HS3ST4: variants seen among roughly 807,000 people sequenced by gnomAD.
The protein encoded by HS3ST4 is heparan sulfate-glucosamine 3-sulfotransferase 4.
HS3ST4 carries 17 observed loss-of-function variants against 29.2 expected under a neutral mutation model. The observed-to-expected ratio is 0.58, with a 90% CI of 0.40 to 0.87. The LOEUF (loss-of-function observed/expected upper bound fraction) is 0.87. Among genes scored for constraint, HS3ST4 ranks in the 40% least tolerant of loss-of-function variants. The pLI is 0.00. For missense variants in HS3ST4, 627 were observed against 634.5 expected (o/e 0.99, Z 0.13); for synonymous variants, 314 against 285.7 (o/e 1.10, Z -1.00).
intron 1 of HS3ST4, among the ~76,000 whole-genome samples, chr16:25,717,229 G>T (rs1412003161): frequency 6.6e-6 from 1 of 152,154 alleles, no homozygotes; most frequent in Non-Finnish European, 1.5e-5. Flanking sequence ...ATTGTGGTTG[G>T]TGCTGGAAAG....
chr16:26,038,777 G>A (rs1026233291), intron 1 of HS3ST4, among the ~76,000 whole-genome samples: 8 of 151,974 alleles, frequency 5.3e-5, no homozygotes, highest in Admixed American at 2.0e-4. Flanking sequence ...TCCGCCTCCC[G>A]GGTTCATGCC....
At chr16:26,099,006 C>T (rs1480073435) in intron 1 of HS3ST4, among the ~76,000 whole-genome samples, 2 of 152,128 alleles carry the variant, frequency 1.3e-5, no homozygotes, top group Non-Finnish European at 1.5e-5. Context: ...CAAAATCAGC[C>T]TCTGGGAAAC....
intron 1 of HS3ST4, among the ~76,000 whole-genome samples, chr16:25,935,976 G>T (rs954452764): frequency 2.6e-5 from 4 of 152,042 alleles, no homozygotes. Flanking sequence ...TGTTTCCCAG[G>T]CTTGTCTCCT....
At chr16:25,831,364 C>CCAG (rs1365462495) in intron 1 of HS3ST4, among the ~76,000 whole-genome samples, 2 of 150,642 alleles carry the variant, frequency 1.3e-5, no homozygotes, top group African/African-American at 4.9e-5. Flanking sequence ...GGGTTTGAGA[C>CCAG]CAGCCTGGGC....
chr16:25,697,695 G>A (rs867071054), intron 1 of HS3ST4, among the ~76,000 whole-genome samples: 2 of 151,830 alleles, frequency 1.3e-5, no homozygotes, highest in African/African-American at 2.4e-5. Flanking sequence ...TCCACATTTC[G>A]TCTTTCTTTT....
At chr16:26,118,352 G>C (rs1899226516) in intron 1 of HS3ST4, among the ~76,000 whole-genome samples, 1 of 152,160 alleles carries the variant, frequency 6.6e-6, no homozygotes, top group Non-Finnish European at 1.5e-5. Flanking sequence ...AGTTCAAAGG[G>C]CTGGGATTAC....
rs142117749 is a variant in HS3ST4, at chr16:25,796,880, C to T, written c.734+103729C>T. On this transcript the variant is annotated intron_variant, in intron 1 of 1. Transcript: ENST00000331351. ...TGCCATGGCAAGGGGTGGGAACTTC[C>T]GGGCGTTGCGGTCGCATTGGTAAAC... Among the ~76,000 whole-genome samples the T allele has an allele frequency of 5.9e-4, 90 of 152,234 alleles. 2 individuals are homozygous for T. In the South Asian group the frequency reaches 0.017, roughly 29 times the overall value.
chr16:25,762,880 A>AAC (rs1232361743), intron 1 of HS3ST4, among the ~76,000 whole-genome samples: 7 of 138,400 alleles, frequency 5.1e-5, no homozygotes, highest in Middle Eastern at 3.5e-3. Context: ...CTGTCTCAAA[A>AAC]AAAAAAAAAA....
chr16:25,768,721 A>C (rs553015839), intron 1 of HS3ST4, among the ~76,000 whole-genome samples: 101 of 152,074 alleles, frequency 6.6e-4, no homozygotes, highest in African/African-American at 2.4e-3. Flanking sequence ...TGGAGAGGAG[A>C]GATGGTTATA....
intron 1 of HS3ST4, among the ~76,000 whole-genome samples, chr16:25,896,653 A>C (rs1040963916): frequency 6.6e-6 from 1 of 152,178 alleles, no homozygotes; most frequent in Non-Finnish European, 1.5e-5. Flanking sequence ...ACCTGCCCAA[A>C]GGACAATAAA....
chr16:25,847,352 C>T (rs1193028383), intron 1 of HS3ST4, among the ~76,000 whole-genome samples: 2 of 152,100 alleles, frequency 1.3e-5, no homozygotes, highest in Non-Finnish European at 2.9e-5. Flanking sequence ...TGCAGTCAGC[C>T]ACCTTAAATT....
chr16:25,804,052 ACT>A (rs1378074161), intron 1 of HS3ST4, among the ~76,000 whole-genome samples: 1 of 151,428 alleles, frequency 6.6e-6, no homozygotes, highest in Non-Finnish European at 1.5e-5. Context: ...AGACTTGAAA[ACT>A]CTGAGTAGGT....
chr16:25,953,755 G>C (rs1968702805), intron 1 of HS3ST4, among the ~76,000 whole-genome samples: 1 of 152,182 alleles, frequency 6.6e-6, no homozygotes, highest in Non-Finnish European at 1.5e-5. Flanking sequence ...AGTGAGGCAG[G>C]AAGGGAAGGA....
chr16:25,717,987 T>C (rs1375256333), intron 1 of HS3ST4, among the ~76,000 whole-genome samples: 1 of 152,084 alleles, frequency 6.6e-6, no homozygotes, highest in Non-Finnish European at 1.5e-5. Context: ...TAAAACTGAA[T>C]GGCTATGTCA....
chr16:25,742,070 A>G (rs1028845769), intron 1 of HS3ST4, among the ~76,000 whole-genome samples: 4 of 152,244 alleles, frequency 2.6e-5, no homozygotes, highest in African/African-American at 9.6e-5. Flanking sequence ...GGCAAATGAC[A>G]GAGACATACT....
chr16:26,088,560 G>T (rs1307439467), intron 1 of HS3ST4, among the ~76,000 whole-genome samples: 2 of 152,264 alleles, frequency 1.3e-5, no homozygotes, highest in East Asian at 3.9e-4. Context: ...TGAATGAGAG[G>T]CTGATAAGTT....
chr16:25,741,780 C>T (rs1486577079), intron 1 of HS3ST4, among the ~76,000 whole-genome samples: 1 of 152,106 alleles, frequency 6.6e-6, no homozygotes, highest in Admixed American at 6.6e-5. Flanking sequence ...ACACTATTAT[C>T]ACAATCCCTT....
At chr16:25,992,419 A>G (rs577360049) in intron 1 of HS3ST4, among the ~76,000 whole-genome samples, 13 of 152,244 alleles carry the variant, frequency 8.5e-5, no homozygotes, top group Non-Finnish European at 1.8e-4. Context: ...GAAACAGTAT[A>G]TATCATGGTA....
intron 1 of HS3ST4, among the ~76,000 whole-genome samples, chr16:25,962,446 C>T (rs143064755): frequency 4.1e-4 from 62 of 152,300 alleles, no homozygotes; most frequent in African/African-American, 1.4e-3. Context: ...GTGTTCTCAT[C>T]TTTAAAGTTG....
Sources: allele counts gnomAD v4.1 joint callset (sites outside exome capture counted in the v4.1 genomes callset), GRCh38; gene constraint gnomAD v4.1.1; transcripts MANE v1.5; gene names NCBI Gene and HGNC (gene_info 2026-07-23, HGNC 2026-07-21).